The following CADM1 variants were observed in gnomAD, a reference collection of about 807,000 sequenced individuals.
CADM1 encodes TSLC-1.
Under a neutral mutation model 53.1 loss-of-function variants are expected in CADM1, and 15 were observed. The ratio of observed to expected loss-of-function variants is 0.28; its 90% CI spans 0.19 to 0.44. The LOEUF is 0.44. Ranked by LOEUF, CADM1 falls within the 20% of genes least tolerant of loss-of-function variation. CADM1 has a pLI of 1.00. For synonymous variants in CADM1, 281 were observed against 243.0 expected (o/e 1.16, Z -1.45); for missense variants, 434 against 611.3 (o/e 0.71, Z 3.06).
Position 115,174,936 on chromosome 11 carries a change from A to T in CADM1, c.*1538T>A. ...TTTAAAACATGTAAATGGTAACGTGACTCCTCTACCTTTTCCCGAGGCTCC... is the reference window on the plus strand; with the variant it reads ...TTTAAAACATGTAAATGGTAACGTGTCTCCTCTACCTTTTCCCGAGGCTCC... On this transcript the variant is annotated 3_prime_UTR_variant, in exon 12 of 12. Transcript: ENST00000331581. The T allele has an allele frequency of 3.0e-6, 3 of 985,324 alleles. No individual in the cohort carries two copies. The highest frequency in any genetic ancestry group is 3.6e-6 in the Non-Finnish European group (3 of 829,718). The allele number at this position is 985,324 out of a possible 1,614,324, so 61.0% of individuals were successfully genotyped here.
intron 1 of CADM1, among the ~76,000 whole-genome samples, chr11:115,416,056 T>A (rs1279316789): frequency 6.6e-6 from 1 of 152,104 alleles, no homozygotes; most frequent in East Asian, 1.9e-4. Flanking sequence ...AAAACTTCAA[T>A]TCATTATTAT....
At chr11:115,347,274 C>T (rs1327926716) in intron 1 of CADM1, among the ~76,000 whole-genome samples, 1 of 152,110 alleles carries the variant, frequency 6.6e-6, no homozygotes, top group Non-Finnish European at 1.5e-5. Flanking sequence ...TCTTGGCATA[C>T]GTCTGACTCC....
At chr11:115,298,264 T>C (rs1382370022) in intron 1 of CADM1, among the ~76,000 whole-genome samples, 2 of 152,224 alleles carry the variant, frequency 1.3e-5, no homozygotes, top group Non-Finnish European at 2.9e-5. Flanking sequence ...ATTTGTCTGG[T>C]AGGGATTTTA....
At chr11:115,329,654 C>A (rs971977749) in intron 1 of CADM1, among the ~76,000 whole-genome samples, 3 of 152,132 alleles carry the variant, frequency 2.0e-5, no homozygotes, top group Admixed American at 6.5e-5. Context: ...GCTCTGCTGT[C>A]CACAGACAGC....
chr11:115,315,199 A>G (rs975564197), intron 1 of CADM1, among the ~76,000 whole-genome samples: 2 of 152,218 alleles, frequency 1.3e-5, no homozygotes, highest in African/African-American at 2.4e-5. Flanking sequence ...GAGAAAAAAA[A>G]GGACTCTTTT....
intron 1 of CADM1, among the ~76,000 whole-genome samples, chr11:115,242,338 A>C (rs1202735491): frequency 7.0e-6 from 1 of 143,792 alleles, no homozygotes; most frequent in Non-Finnish European, 1.5e-5. Flanking sequence ...GGTGATCAGA[A>C]AAAAAAAAAA....
At chr11:115,325,654 C>A (rs1259443072) in intron 1 of CADM1, among the ~76,000 whole-genome samples, 2 of 152,116 alleles carry the variant, frequency 1.3e-5, no homozygotes, top group Admixed American at 6.6e-5. Flanking sequence ...CCTCATTAAT[C>A]TTTCAGTCTT....
At chr11:115,366,280 G>A (rs1946155220) in intron 1 of CADM1, among the ~76,000 whole-genome samples, 2 of 152,176 alleles carry the variant, frequency 1.3e-5, no homozygotes, top group Non-Finnish European at 2.9e-5. Flanking sequence ...GTGCCTCCTT[G>A]ATAGGAAAAG....
At chr11:115,253,707 T>G (rs763117107) in intron 1 of CADM1, among the ~76,000 whole-genome samples, 4 of 152,196 alleles carry the variant, frequency 2.6e-5, no homozygotes, top group African/African-American at 9.6e-5. Flanking sequence ...AGCGGAAAAC[T>G]GACCATGGAG....
intron 11 of CADM1, among the ~76,000 whole-genome samples, chr11:115,177,976 T>C (rs1232246037): frequency 2.0e-5 from 3 of 151,902 alleles, no homozygotes; most frequent in Non-Finnish European, 4.4e-5. Context: ...AAAGGAAGAA[T>C]AAATTACCAA....
intron 1 of CADM1, among the ~76,000 whole-genome samples, chr11:115,493,579 A>G (rs760729617): frequency 2.0e-5 from 3 of 152,114 alleles, no homozygotes; most frequent in Non-Finnish European, 2.9e-5. Flanking sequence ...AAAATGGAGA[A>G]CCCTACAAAT....
intron 1 of CADM1, among the ~76,000 whole-genome samples, chr11:115,380,084 C>T (rs182912794): frequency 6.6e-6 from 1 of 152,218 alleles, no homozygotes; most frequent in Admixed American, 6.5e-5. Flanking sequence ...AGCCCCTTCG[C>T]GTTTAAAACC....
At position 115,175,089 on chromosome 11, in the gene CADM1, A is replaced by T; in HGVS notation, c.*1385T>A. On this transcript the variant is annotated 3_prime_UTR_variant, in exon 12 of 12. Transcript: ENST00000331581. ...GAAAGAGGCCAAGGCTAGTGTATGA[A>T]AGGTAAAAAGATAAAAACACTCACA... is the stretch of plus-strand genomic sequence containing the variant. The T allele has an allele frequency of 3.0e-6, 3 of 985,880 alleles. No homozygotes were observed. The highest frequency in any genetic ancestry group is 3.6e-6 in the Non-Finnish European group (3 of 829,948). 61.1% of individuals were successfully genotyped at this position (985,880 alleles called of 1,614,324 possible).
intron 5 of CADM1, among the ~76,000 whole-genome samples, chr11:115,220,077 C>G (rs983097424): frequency 6.6e-6 from 1 of 152,116 alleles, no homozygotes; most frequent in Admixed American, 6.6e-5. Context: ...TACAGAAAGG[C>G]TACGTTTTTC....
At chr11:115,377,803 A>G (rs140431683) in intron 1 of CADM1, 1 of 152,332 alleles carries the variant, frequency 6.6e-6, no homozygotes, top group Non-Finnish European at 1.5e-5. Context: ...ACAAGTATCC[A>G]TGTGTCAGAT....
At chr11:115,400,661 G>A (rs12795409) in intron 1 of CADM1, among the ~76,000 whole-genome samples, 215 of 46,260 alleles carry the variant, frequency 4.6e-3, no homozygotes, top group Non-Finnish European at 6.8e-3. Flanking sequence ...GTGTGTGTGT[G>A]TATATATATA....
At chr11:115,318,003 C>G (rs1411902893) in intron 1 of CADM1, among the ~76,000 whole-genome samples, 2 of 151,910 alleles carry the variant, frequency 1.3e-5, no homozygotes, top group African/African-American at 4.8e-5. Flanking sequence ...CACACACACA[C>G]ACACACACAC....
chr11:115,209,818 A>G (rs960915924), intron 7 of CADM1, among the ~76,000 whole-genome samples, 161 bp from the exon 8 acceptor site: 4 of 152,210 alleles, frequency 2.6e-5, no homozygotes, highest in Non-Finnish European at 5.9e-5. Flanking sequence ...TTGTAATTAT[A>G]TCCCAAAGCC....
chr11:115,376,743 A>C (rs1160970679), intron 1 of CADM1, among the ~76,000 whole-genome samples: 1 of 152,150 alleles, frequency 6.6e-6, no homozygotes, highest in Non-Finnish European at 1.5e-5. Context: ...AAGTACATGA[A>C]GCTCTTGTCT....
Sources: allele counts gnomAD v4.1 joint callset (sites outside exome capture counted in the v4.1 genomes callset), GRCh38; gene constraint gnomAD v4.1.1; transcripts MANE v1.5; gene names NCBI Gene and HGNC (gene_info 2026-07-23, HGNC 2026-07-21).